The following PDE8B variants were observed in gnomAD, a reference collection of about 807,000 sequenced individuals.
PDE8B encodes phosphodiesterase 8B, also known as high affinity cAMP-specific and IBMX-insensitive 3',5'-cyclic phosphodiesterase 8B.
Under a neutral mutation model 101.3 loss-of-function variants are expected in PDE8B, and 26 were observed. The ratio of observed to expected loss-of-function variants is 0.26; its 90% CI spans 0.19 to 0.36. The LOEUF is 0.36. Among genes scored for constraint, PDE8B ranks in the 10% least tolerant of loss-of-function variants. The pLI is 1.00. For missense variants in PDE8B, 810 were observed against 1,163.1 expected (o/e 0.70, Z 4.42); for synonymous variants, 424 against 429.3 (o/e 0.99, Z 0.15).
At chr5:77,180,661 C>G in the PDE8B span, among the ~76,000 whole-genome samples, 1 of 152,224 alleles carries the variant, frequency 6.6e-6, no homozygotes, top group South Asian at 2.1e-4. Flanking sequence ...CTAGTGCCAA[C>G]TACCTCCTTC....
rs190661270 is a variant in PDE8B, at chr5:77,232,874, A to T, written c.339+21610A>T. ...TGATAAAAATTTGTAATCCAGGGTT[A>T]ACAAATATAAATAATACAAATGCAA... On this transcript the variant is annotated intron_variant, in intron 1 of 21. Transcript: ENST00000264917. Among the ~76,000 whole-genome samples, 20 of 152,362 alleles carry T rather than the reference A, an allele frequency of 1.3e-4. No homozygotes were observed. In the East Asian group the frequency reaches 3.7e-3, roughly 28 times the overall value.
chr5:77,306,126 G>A (rs1359818643), intron 1 of PDE8B, among the ~76,000 whole-genome samples: 1 of 152,126 alleles, frequency 6.6e-6, no homozygotes, highest in Non-Finnish European at 1.5e-5. Context: ...GCACAAGCAG[G>A]GATCGCCAGG....
chr5:77,337,271 G>C lies in PDE8B; in HGVS notation c.753G>C (p.Leu251=), dbSNP rs1778369673. Reference sequence around the variant, plus strand: ...GCATAATTGCTTGCTATAATGAACTGATTCAAATAGAACATGGGGAAGTTC... The same window carrying C: ...GCATAATTGCTTGCTATAATGAACTCATTCAAATAGAACATGGGGAAGTTC... ...NSSIIACYNE[L]IQIEHGEVRS... Residue 251 remains leucine (L), a synonymous_variant, in exon 6 of 22, where the codon CTG becomes CTC. Transcript: ENST00000264917. 1 of 1,600,786 alleles carries C rather than the reference G, an allele frequency of 6.2e-7. No individual in the cohort carries two copies. Among genetic ancestry groups the C allele is most frequent in the South Asian group, 1.1e-5 (1 of 89,996 alleles).
chr5:77,240,843 T>C (rs912824576), intron 1 of PDE8B, among the ~76,000 whole-genome samples: 8 of 152,240 alleles, frequency 5.3e-5, no homozygotes, highest in African/African-American at 1.9e-4. Flanking sequence ...GTCTTTCAAA[T>C]ACAGGTTTCC....
chr5:77,248,940 C>A (rs1311506813), intron 1 of PDE8B, among the ~76,000 whole-genome samples: 2 of 152,330 alleles, frequency 1.3e-5, no homozygotes, highest in East Asian at 3.9e-4. Context: ...ATCTGTAAGC[C>A]AGCAAGAGAG....
chr5:77,231,806 CT>C (rs1269510535), intron 1 of PDE8B, among the ~76,000 whole-genome samples: 3 of 152,230 alleles, frequency 2.0e-5, no homozygotes, highest in Non-Finnish European at 4.4e-5. Flanking sequence ...TGAGGGGCCC[CT>C]GGCATAAGCG....
chr5:77,366,725 T>A (rs952858387), intron 10 of PDE8B, among the ~76,000 whole-genome samples: 1 of 152,204 alleles, frequency 6.6e-6, no homozygotes, highest in African/African-American at 2.4e-5. Flanking sequence ...ATGAATGTTG[T>A]CCCTCAGAGG....
chr5:77,373,461 C>T (rs1401094676), intron 10 of PDE8B, among the ~76,000 whole-genome samples: 1 of 152,188 alleles, frequency 6.6e-6, no homozygotes, highest in Non-Finnish European at 1.5e-5. Context: ...AACATATCCC[C>T]AAGAGTTTCC....
intron 10 of PDE8B, among the ~76,000 whole-genome samples, chr5:77,368,886 T>C (rs34491745): frequency 0.19 from 28,161 of 151,972 alleles, 3,318 homozygotes; most frequent in Middle Eastern, 0.32. Flanking sequence ...AGAGGTGTGG[T>C]TAGACCCCAT....
intron 6 of PDE8B, among the ~76,000 whole-genome samples, chr5:77,343,303 T>C (rs1019018734): frequency 2.0e-5 from 3 of 152,222 alleles, no homozygotes; most frequent in Non-Finnish European, 2.9e-5. Context: ...GATTTTGTCA[T>C]TGTGCAAACA....
chr5:77,351,681 T>A (rs985257853), intron 9 of PDE8B, among the ~76,000 whole-genome samples: 7 of 152,158 alleles, frequency 4.6e-5, no homozygotes, highest in Admixed American at 2.0e-4. Context: ...TGTGGAGAGA[T>A]AAGAAAAATA....
intron 20 of PDE8B, among the ~76,000 whole-genome samples, chr5:77,423,246 TCATC>T (rs1303048674): frequency 6.6e-6 from 1 of 152,216 alleles, no homozygotes; most frequent in Non-Finnish European, 1.5e-5. Flanking sequence ...CACATTTTCT[TCATC>T]CAGTCCACCA....
rs73764820 is a variant in PDE8B, at chr5:77,355,288, C to T, written c.1167+1882C>T. ...GAGCTCGGATACCCTGAGCCATTGA[C>T]GTCACCTAATGGTACTGCACAGGCC... On this transcript the variant is annotated intron_variant, in intron 10 of 21. Transcript: ENST00000264917. Among the ~76,000 whole-genome samples the T allele has an allele frequency of 9.1e-3, 1,388 of 152,302 alleles. 19 individuals are homozygous for T. The highest frequency in any genetic ancestry group is 0.031 in the African/African-American group (1,284 of 41,556).
At chr5:77,381,619 T>C (rs1038604878) in intron 10 of PDE8B, among the ~76,000 whole-genome samples, 1 of 137,108 alleles carries the variant, frequency 7.3e-6, no homozygotes, top group African/African-American at 2.9e-5. Flanking sequence ...TTTGTTTTTG[T>C]TTTTTTTTAA....
chr5:77,239,939 C>A (rs1425013842), intron 1 of PDE8B, among the ~76,000 whole-genome samples: 2 of 152,116 alleles, frequency 1.3e-5, no homozygotes, highest in Non-Finnish European at 2.9e-5. Flanking sequence ...AGCAGAAAAA[C>A]ACAGCAGCAA....
At chr5:77,252,158 C>A (rs1390578463) in intron 1 of PDE8B, among the ~76,000 whole-genome samples, 1 of 152,172 alleles carries the variant, frequency 6.6e-6, no homozygotes, top group East Asian at 1.9e-4. Context: ...CTCGTTGCTG[C>A]AAGGCAGGCT....
intron 12 of PDE8B, among the ~76,000 whole-genome samples, chr5:77,406,117 T>G (rs1466027883): frequency 6.6e-6 from 1 of 152,008 alleles, no homozygotes; most frequent in Non-Finnish European, 1.5e-5. Context: ...TGAAACCCCC[T>G]CTCTACTAAA....
At chr5:77,180,356 G>A in the PDE8B span, 3 of 745,482 alleles carry the variant, frequency 4.0e-6, no homozygotes, top group Non-Finnish European at 4.9e-6. Flanking sequence ...CCCGGGGAGT[G>A]GGGTGCAGGG....
the PDE8B span, among the ~76,000 whole-genome samples, chr5:77,199,592 G>A: frequency 6.6e-6 from 1 of 152,126 alleles, no homozygotes; most frequent in African/African-American, 2.4e-5. Flanking sequence ...TGCAGTACAT[G>A]TAGCATTAGC....
Sources: gnomAD v4.1 joint callset for allele counts (sites outside exome capture counted in the v4.1 genomes callset) on GRCh38, gnomAD v4.1.1 for gene constraint, MANE v1.5 for transcripts, NCBI Gene and HGNC (gene_info 2026-07-23, HGNC 2026-07-21) for gene names.